COX14: variants seen among roughly 807,000 people sequenced by gnomAD.
The protein encoded by COX14 is cytochrome c oxidase assembly protein COX14.
COX14 carries 3 observed loss-of-function variants against 5.8 expected under a neutral mutation model. That is an observed-to-expected ratio of 0.51 (90% CI 0.23 to 1.33). COX14 has a LOEUF of 1.33. Ranked by LOEUF, COX14 falls within the 40% of genes most tolerant of loss-of-function variation. COX14 has a pLI of 0.18. For synonymous variants in COX14, 25 were observed against 26.1 expected, an observed-to-expected ratio of 0.96 and a Z score of 0.13; for missense variants, 72 against 72.1, an observed-to-expected ratio of 1.00 and a Z score of 0.01.
chr12:50,117,780 C>G (rs1951094591), intron 1 of COX14, among the ~76,000 whole-genome samples: 1 of 142,130 alleles, frequency 7.0e-6, no homozygotes. Context: ...GAGTCTTGCT[C>G]TGTCACCAGG....
intron 1 of COX14, among the ~76,000 whole-genome samples, chr12:50,113,985 G>C (rs1951055394): frequency 2.0e-5 from 3 of 150,658 alleles, no homozygotes; most frequent in Admixed American, 2.0e-4. Context: ...GTCTTGCTCT[G>C]CAAGTGCAGG....
chr12:50,119,651 C>G (rs1951112568), intron 1 of COX14, among the ~76,000 whole-genome samples: 1 of 152,304 alleles, frequency 6.6e-6, no homozygotes, highest in Non-Finnish European at 1.5e-5. Flanking sequence ...GTCATACTCA[C>G]ACCACTGCAC....
At chr12:50,118,919 C>T (rs1290586384) in intron 1 of COX14, among the ~76,000 whole-genome samples, 1 of 152,152 alleles carries the variant, frequency 6.6e-6, no homozygotes, top group Non-Finnish European at 1.5e-5. Context: ...CATTCATAGT[C>T]CCAAATTGAG....
chr12:50,115,278 G>A (rs1313031795), intron 1 of COX14, among the ~76,000 whole-genome samples: 5 of 148,220 alleles, frequency 3.4e-5, no homozygotes, highest in East Asian at 2.0e-4. Flanking sequence ...GCAGTGGCGC[G>A]ATCTCTGCTC....
At chr12:50,116,562 C>T (rs1198591400) in intron 1 of COX14, among the ~76,000 whole-genome samples, 1 of 152,204 alleles carries the variant, frequency 6.6e-6, no homozygotes, top group African/African-American at 2.4e-5. Flanking sequence ...GCTTCCAGCT[C>T]TTTTCCTCCA....
rs764794729 is a variant in COX14, at chr12:50,120,248, G to A, written c.*31G>A. On this transcript the variant is annotated 3_prime_UTR_variant, in exon 2 of 2. Transcript: ENST00000550487. ...GGGGGCTTTTTCTCCTGAGCAGAGA[G>A]GCCCAAGGCATGCTGTGGAGAGACT... 1 of 1,590,250 alleles carries A rather than the reference G, an allele frequency of 6.3e-7. No homozygotes were observed. Among genetic ancestry groups the A allele is most frequent in the South Asian group, 1.1e-5 (1 of 89,942 alleles).
In COX14 at chr12:50,119,894, T is replaced by A. The variant is rs1332854428; in HGVS notation, c.-8-142T>A. 3 of 665,538 alleles carry A rather than the reference T, an allele frequency of 4.5e-6. No individual in the cohort carries two copies. In the African/African-American group the frequency reaches 5.4e-5, roughly 12 times the overall value. 41.2% of individuals were successfully genotyped at this position (665,538 alleles called of 1,614,324 possible). A position where few individuals can be genotyped will look rare whatever the true frequency, so the allele number is the denominator to read the frequency against. ...ATATCTTCCAGTATCCCTATGAGAC[T>A]TTACCTAGACATAGGGGCCATTCAG... On this transcript the variant is annotated intron_variant, in intron 1 of 1. Coordinates refer to ENST00000550487, the MANE Select transcript of COX14 (RefSeq NM_032901.4).
intron 1 of COX14, among the ~76,000 whole-genome samples, chr12:50,115,989 C>T (rs1319035433): frequency 2.0e-5 from 3 of 152,160 alleles, no homozygotes; most frequent in Non-Finnish European, 4.4e-5. Context: ...TCAGCTTTGC[C>T]CTAATTCGCT....
At chr12:50,116,883 T>C (rs1951084620) in intron 1 of COX14, among the ~76,000 whole-genome samples, 1 of 152,222 alleles carries the variant, frequency 6.6e-6, no homozygotes, top group African/African-American at 2.4e-5. Context: ...TCAGCTCAGC[T>C]TGGGGTCCAC....
chr12:50,117,976 C>T (rs1270927130), intron 1 of COX14, among the ~76,000 whole-genome samples: 1 of 151,702 alleles, frequency 6.6e-6, no homozygotes, highest in Non-Finnish European at 1.5e-5. Context: ...ATCTCTTGAC[C>T]TCGTGATCCA....
intron 1 of COX14, chr12:50,112,936 A>ATGTTATGTTATGT (rs1375972163): frequency 1.3e-5 from 2 of 151,684 alleles, no homozygotes; most frequent in African/African-American, 4.8e-5. Flanking sequence ...ATGTTATGTT[A>ATGTTATGTTATGT]TGTTATGTTA....
chr12:50,119,551 C>T (rs1439702731), intron 1 of COX14, among the ~76,000 whole-genome samples: 5 of 152,084 alleles, frequency 3.3e-5, no homozygotes, highest in East Asian at 3.9e-4. Context: ...AAAAACTGGG[C>T]GGTGTGGTGG....
chr12:50,119,193 G>C (rs971227269), intron 1 of COX14, among the ~76,000 whole-genome samples: 3 of 152,120 alleles, frequency 2.0e-5, no homozygotes, highest in African/African-American at 7.2e-5. Flanking sequence ...TTATATTATG[G>C]CTTAAACAAG....
rs1263827945 is a variant in COX14, at chr12:50,112,242, C to G, written c.-68C>G. ...GCTGGGAAGTTGCGTAGACAGTGGC[C>G]TCGAGACCCTGCCTGCCTGAGGAGG... On this transcript the variant is annotated 5_prime_UTR_variant, in exon 1 of 2. Transcript: ENST00000550487. 3 of 940,698 alleles carry G rather than the reference C, an allele frequency of 3.2e-6. No homozygotes were observed. Among genetic ancestry groups the G allele is most frequent in the Non-Finnish European group, 3.8e-6 (3 of 789,176 alleles). The allele number at this position is 940,698 out of a possible 1,614,324, so 58.3% of individuals were successfully genotyped here.
intron 1 of COX14, among the ~76,000 whole-genome samples, chr12:50,116,255 G>A (rs1180956846): frequency 1.3e-5 from 2 of 151,954 alleles, no homozygotes; most frequent in African/African-American, 4.8e-5. Context: ...ACCACGCCTG[G>A]CTAATTTTTG....
chr12:50,117,010 A>T (rs1215204302), intron 1 of COX14, among the ~76,000 whole-genome samples: 8 of 151,756 alleles, frequency 5.3e-5, no homozygotes, highest in Admixed American at 5.3e-4. Context: ...CTTTACTTTC[A>T]ATTTTTTTTT....
chr12:50,115,066 G>GAGCATCTTCATTTTAACGT (rs1951068357), intron 1 of COX14, among the ~76,000 whole-genome samples: 2 of 143,574 alleles, frequency 1.4e-5, no homozygotes, highest in Non-Finnish European at 3.0e-5. Context: ...GTGCCCGGCC[G>GAGCATCTTCATTTTAACGT]GTTTTTTTTT....
intron 1 of COX14, among the ~76,000 whole-genome samples, chr12:50,119,376 CTTGCTTAATGTTACCAGTTAG>C (rs1951110308): frequency 1.3e-5 from 2 of 152,220 alleles, no homozygotes; most frequent in African/African-American, 4.8e-5. Context: ...AAAACTGATG[CTTGCTTAATGTTACCAGTTAG>C]AGCAGCCCTG....
chr12:50,113,920 G>A (rs943692989), intron 1 of COX14, among the ~76,000 whole-genome samples: 1 of 151,548 alleles, frequency 6.6e-6, no homozygotes, highest in South Asian at 2.1e-4. Context: ...GGTGGCTCAC[G>A]CCCAGCCTTT....
Sources: allele counts gnomAD v4.1 joint callset (sites outside exome capture counted in the v4.1 genomes callset), GRCh38; gene constraint gnomAD v4.1.1; transcripts MANE v1.5; gene names NCBI Gene and HGNC (gene_info 2026-07-23, HGNC 2026-07-21).